SIL1: variants seen among roughly 807,000 people sequenced by gnomAD.
SIL1 encodes the protein SIL1 nucleotide exchange factor, also known as nucleotide exchange factor SIL1.
Under a neutral mutation model 49.1 loss-of-function variants are expected in SIL1, and 40 were observed. That is an observed-to-expected ratio of 0.81 (90% CI 0.63 to 1.06). SIL1 has a LOEUF of 1.06. Among genes scored for constraint, SIL1 ranks in the 50% least tolerant of loss-of-function variants. The probability of loss-of-function intolerance (pLI) is 0.00; values close to 1 mark genes in which losing one functional copy is unlikely to be tolerated. For missense variants in SIL1, 500 were observed against 572.6 expected, an observed-to-expected ratio of 0.87 and a Z score of 1.29; for synonymous variants, 253 against 250.8, an observed-to-expected ratio of 1.01 and a Z score of -0.08.
chr5:138,946,942 G>A lies in SIL1; in HGVS notation c.*175C>T. 1.5e-6 allele frequency: 1 copy of A among 649,186 alleles called. No homozygotes were observed. The highest frequency in any genetic ancestry group is 2.7e-5 in the East Asian group (1 of 36,414). The allele number at this position is 649,186 out of a possible 1,614,324, so 40.2% of individuals were successfully genotyped here. On this transcript the variant is annotated 3_prime_UTR_variant, in exon 10 of 10. Transcript: ENST00000394817. ...ACCCAACCACTCACCTGACCCCCCG[G>A]CCACAGGGCTGTGCCCAGTCTACAC...
chr5:139,139,431 T>C (rs1218599691), intron 1 of SIL1, among the ~76,000 whole-genome samples: 3 of 152,218 alleles, frequency 2.0e-5, no homozygotes, highest in Non-Finnish European at 4.4e-5. Flanking sequence ...TTCCAGTCCA[T>C]AGTTCTAAAG....
intron 1 of SIL1, among the ~76,000 whole-genome samples, chr5:139,158,866 AG>A (rs1284014293): frequency 1.3e-5 from 2 of 152,196 alleles, no homozygotes; most frequent in African/African-American, 4.8e-5. Context: ...TTATTGCTTT[AG>A]CTCTCTTCAA....
intron 3 of SIL1, among the ~76,000 whole-genome samples, chr5:139,101,416 C>T (rs557011968): frequency 2.0e-5 from 3 of 152,314 alleles, no homozygotes; most frequent in Admixed American, 6.5e-5. Flanking sequence ...ACCAAAGCAA[C>T]CCTAACACTT....
intron 3 of SIL1, 31 bp from the exon 4 acceptor site, chr5:139,051,077 G>A: frequency 1.2e-6 from 2 of 1,605,108 alleles, no homozygotes; most frequent in South Asian, 1.1e-5. Context: ...AGGCTCATGA[G>A]GTACAAGGTC....
At chr5:139,034,883 A>G (rs1303678749) in intron 5 of SIL1, among the ~76,000 whole-genome samples, 1 of 152,204 alleles carries the variant, frequency 6.6e-6, no homozygotes, top group African/African-American at 2.4e-5. Flanking sequence ...CACTCCCACC[A>G]ACAGTGTATA....
intron 3 of SIL1, among the ~76,000 whole-genome samples, chr5:139,110,051 C>A (rs1042247907): frequency 6.6e-6 from 1 of 151,946 alleles, no homozygotes; most frequent in Non-Finnish European, 1.5e-5. Context: ...CGCCTGTAGT[C>A]CTAGCTACTC....
chr5:138,951,972 G>A, intron 7 of SIL1, 88 bp from the exon 8 acceptor site: 1 of 1,189,816 alleles, frequency 8.4e-7, no homozygotes, highest in Non-Finnish European at 1.2e-6. Flanking sequence ...AGCCATCCCT[G>A]GGGAGAAACA....
intron 3 of SIL1, among the ~76,000 whole-genome samples, chr5:139,058,345 ACAC>A (rs1769504693): frequency 6.6e-6 from 1 of 152,014 alleles, no homozygotes; most frequent in Non-Finnish European, 1.5e-5. Context: ...AAAAAAAAAA[ACAC>A]CAAATTACCA....
chr5:139,004,769 A>G (rs1286881937), intron 7 of SIL1, among the ~76,000 whole-genome samples: 1 of 152,250 alleles, frequency 6.6e-6, no homozygotes, highest in Non-Finnish European at 1.5e-5. Context: ...AGTATTATTC[A>G]GCCAGAAAAA....
intron 4 of SIL1, among the ~76,000 whole-genome samples, chr5:139,046,153 T>C (rs1258769218): frequency 1.2e-4 from 18 of 152,102 alleles, no homozygotes; most frequent in Non-Finnish European, 1.2e-4. Context: ...ATGGTGAAAC[T>C]CCGTCTCTAC....
At chr5:139,106,639 T>G (rs1248642006) in intron 3 of SIL1, among the ~76,000 whole-genome samples, 3 of 152,130 alleles carry the variant, frequency 2.0e-5, no homozygotes, top group African/African-American at 7.2e-5. Flanking sequence ...CTCTATACTT[T>G]CCAGAACCCC....
chr5:139,039,991 T>C (rs1190822022), intron 5 of SIL1, among the ~76,000 whole-genome samples: 1 of 152,196 alleles, frequency 6.6e-6, no homozygotes, highest in Non-Finnish European at 1.5e-5. Flanking sequence ...ATATAATTGA[T>C]GTTCTCGTCC....
chr5:138,964,709 A>G (rs1484666781), intron 7 of SIL1, among the ~76,000 whole-genome samples: 6 of 152,232 alleles, frequency 3.9e-5, no homozygotes, highest in South Asian at 2.1e-4. Flanking sequence ...CAAAATCTCT[A>G]TGGCTTGAAT....
At chr5:139,177,037 A>G (rs1027726994) in intron 1 of SIL1, among the ~76,000 whole-genome samples, 2 of 140,744 alleles carry the variant, frequency 1.4e-5, no homozygotes, top group Non-Finnish European at 3.0e-5. Context: ...GGTTCATGCC[A>G]TTCTCCTGCC....
chr5:139,169,298 C>A (rs1467238515), intron 1 of SIL1, among the ~76,000 whole-genome samples: 2 of 152,090 alleles, frequency 1.3e-5, no homozygotes, highest in Non-Finnish European at 2.9e-5. Flanking sequence ...GCACACAAAG[C>A]CTATGACAAT....
chr5:139,170,596 G>A (rs1169595359), intron 1 of SIL1, among the ~76,000 whole-genome samples: 7 of 145,236 alleles, frequency 4.8e-5, no homozygotes, highest in East Asian at 2.1e-4. Context: ...CTGCCCGGCC[G>A]CCCCCATCTG....
At chr5:139,016,594 G>C (rs984664071) in intron 7 of SIL1, among the ~76,000 whole-genome samples, 1 of 152,046 alleles carries the variant, frequency 6.6e-6, no homozygotes, top group African/African-American at 2.4e-5. Flanking sequence ...AGGGGAGTGA[G>C]TGATTAATTA....
Position 138,947,955 on chromosome 5 carries a change from T to C in SIL1, c.1030-482A>G, listed in dbSNP as rs972172624. On this transcript the variant is annotated intron_variant, in intron 9 of 9. Transcript: ENST00000394817. This position sits in a 1 kb window ranked among gnomAD's most constrained non-coding sequence, Gnocchi z 4.1. ...GAAGCCCAGCTCTATCAGCAGAACA[T>C]GGTGGGAGCCAATCCTGCCGGGCTA... is the stretch of plus-strand genomic sequence containing the variant. Among the ~76,000 whole-genome samples, 9 of 151,976 alleles carry C rather than the reference T, an allele frequency of 5.9e-5. No homozygotes were observed. Among genetic ancestry groups the C allele is most frequent in the Admixed American group, 5.2e-4 (8 of 15,272 alleles).
intron 3 of SIL1, among the ~76,000 whole-genome samples, chr5:139,102,500 AAGAG>A (rs769397584): frequency 0.028 from 1,631 of 57,780 alleles, 4 homozygotes; most frequent in Non-Finnish European, 0.052. Flanking sequence ...AAAAAAAAAA[AAGAG>A]AGAGAGAGAG....
Sources: gnomAD v4.1 joint callset for allele counts (sites outside exome capture counted in the v4.1 genomes callset) on GRCh38, gnomAD v4.1.1 for gene constraint, Gnocchi (gnomAD v3.1) non-coding constraint, MANE v1.5 for transcripts, NCBI Gene and HGNC (gene_info 2026-07-23, HGNC 2026-07-21) for gene names.